SLC25A21: variants seen among roughly 807,000 people sequenced by gnomAD.
SLC25A21 encodes the protein mitochondrial 2-oxodicarboxylate carrier.
In SLC25A21, 47 loss-of-function variants were observed where a neutral mutation model predicts 43.8. The observed-to-expected ratio is 1.07, with a 90% CI of 0.85 to 1.37. The LOEUF is 1.37. Ranked by LOEUF, SLC25A21 falls within the 40% of genes most tolerant of loss-of-function variation. SLC25A21 has a pLI of 0.00. For missense variants in SLC25A21, 352 were observed against 350.2 expected (o/e 1.00, Z -0.04); for synonymous variants, 131 against 121.3 (o/e 1.08, Z -0.52).
chr14:36,847,404 T>C (rs1018095956), intron 2 of SLC25A21, among the ~76,000 whole-genome samples: 4 of 152,244 alleles, frequency 2.6e-5, no homozygotes, highest in African/African-American at 9.6e-5. Flanking sequence ...GTTCATTTTT[T>C]AGAAGCAACT....
chr14:36,777,837 AT>A (rs1410188423), intron 3 of SLC25A21, among the ~76,000 whole-genome samples: 1 of 152,166 alleles, frequency 6.6e-6, no homozygotes, highest in African/African-American at 2.4e-5. Context: ...TACATCCCCC[AT>A]TCCACAAGCC....
At chr14:37,105,318 A>T (rs1962890494) in intron 1 of SLC25A21, among the ~76,000 whole-genome samples, 1 of 152,226 alleles carries the variant, frequency 6.6e-6, no homozygotes, top group Non-Finnish European at 1.5e-5. Flanking sequence ...TAAAACAGAT[A>T]ATAAACAGTG....
intron 3 of SLC25A21, among the ~76,000 whole-genome samples, chr14:36,789,672 CTTG>C (rs1478043255): frequency 1.4e-5 from 2 of 140,024 alleles, no homozygotes; most frequent in Non-Finnish European, 3.0e-5. Context: ...AAAAACTCAT[CTTG>C]TTACTGTAAT....
intron 1 of SLC25A21, among the ~76,000 whole-genome samples, chr14:37,090,941 T>A (rs547441995): frequency 6.6e-6 from 1 of 152,332 alleles, no homozygotes; most frequent in Non-Finnish European, 1.5e-5. Context: ...AGTTCCTGTG[T>A]GTCTCTGGTG....
At chr14:36,908,365 G>T (rs1891590903) in intron 1 of SLC25A21, among the ~76,000 whole-genome samples, 1 of 152,146 alleles carries the variant, frequency 6.6e-6, no homozygotes, top group Non-Finnish European at 1.5e-5. Context: ...TCCCTAAAAA[G>T]TCATCTATTT....
intron 1 of SLC25A21, among the ~76,000 whole-genome samples, chr14:37,124,887 C>T (rs1468504166): frequency 6.6e-6 from 1 of 152,210 alleles, no homozygotes; most frequent in African/African-American, 2.4e-5. Context: ...CCTGCTCCTG[C>T]TTTGCCCTCT....
At chr14:37,132,614 C>T (rs1963409601) in intron 1 of SLC25A21, among the ~76,000 whole-genome samples, 1 of 152,190 alleles carries the variant, frequency 6.6e-6, no homozygotes, top group African/African-American at 2.4e-5. Flanking sequence ...ATTCTCTCTA[C>T]CACCCTGATG....
At chr14:36,799,628 G>GT (rs751555638) in intron 3 of SLC25A21, among the ~76,000 whole-genome samples, 21 of 152,096 alleles carry the variant, frequency 1.4e-4, no homozygotes, top group Non-Finnish European at 2.8e-4. Flanking sequence ...AAGAATTTAT[G>GT]TTTTTTTAAG....
chr14:36,723,794 T>G (rs1159695096), intron 6 of SLC25A21, among the ~76,000 whole-genome samples: 1 of 152,230 alleles, frequency 6.6e-6, no homozygotes, highest in African/African-American at 2.4e-5. Flanking sequence ...TGACTTTCAT[T>G]CCTGCAAGTG....
At chr14:36,940,159 T>C (rs1892521068) in intron 1 of SLC25A21, among the ~76,000 whole-genome samples, 1 of 152,146 alleles carries the variant, frequency 6.6e-6, no homozygotes. Flanking sequence ...TAACAACGAC[T>C]ACCAGCAGCC....
At chr14:37,014,812 T>C (rs556044327) in intron 1 of SLC25A21, among the ~76,000 whole-genome samples, 3 of 152,146 alleles carry the variant, frequency 2.0e-5, no homozygotes, top group Admixed American at 6.6e-5. Context: ...AATGTTGTGT[T>C]GGCAGGCATG....
intron 1 of SLC25A21, among the ~76,000 whole-genome samples, chr14:37,112,023 G>C (rs958923653): frequency 3.3e-5 from 5 of 152,162 alleles, no homozygotes; most frequent in Admixed American, 2.0e-4. Context: ...AGGTATAGCT[G>C]TGAACAAAAC....
In SLC25A21 at chr14:37,019,803, A is replaced by G. The variant is rs9806037; in HGVS notation, c.71-144799T>C. ...AGACAGGTAAGACCAGATGGTGAAG[A>G]ACTAAGGAGGCTTTGATCATCCTTG... On this transcript the variant is annotated intron_variant, in intron 1 of 9. Coordinates refer to ENST00000331299, the MANE Select transcript of SLC25A21 (RefSeq NM_030631.4). 0.47 allele frequency among the ~76,000 whole-genome samples: 71,215 copies of G among 151,568 alleles called. 19,778 individuals are homozygous for G. The highest frequency in any genetic ancestry group is 0.79 in the African/African-American group (32,701 of 41,370).
rs543570026 is a variant in SLC25A21 at position 36,871,659 on chromosome 14, G to A, written c.119+3297C>T. Among the ~76,000 whole-genome samples, 4 of 152,268 alleles carry A rather than the reference G, an allele frequency of 2.6e-5. No individual in the cohort carries two copies. The South Asian group carries it at 8.3e-4, about 32-fold the overall frequency. On this transcript the variant is annotated intron_variant, in intron 2 of 9. Transcript: ENST00000331299. ...CCATAAACTGTAAGAGATAATATAT[G>A]AAACCACTTAGCATTGGTGATTTTA...
intron 6 of SLC25A21, among the ~76,000 whole-genome samples, chr14:36,716,836 G>T (rs925421351): frequency 6.6e-6 from 1 of 152,208 alleles, no homozygotes; most frequent in African/African-American, 2.4e-5. Flanking sequence ...AGGCTTGGGT[G>T]TGTCAGTGGA....
chr14:37,117,100 CTT>C (rs1226050812), intron 1 of SLC25A21, among the ~76,000 whole-genome samples: 1 of 152,058 alleles, frequency 6.6e-6, no homozygotes, highest in East Asian at 1.9e-4. Flanking sequence ...TTTAATTACT[CTT>C]GATATTGACA....
chr14:37,072,972 G>C (rs577066562), intron 1 of SLC25A21, among the ~76,000 whole-genome samples: 1 of 152,216 alleles, frequency 6.6e-6, no homozygotes, highest in East Asian at 1.9e-4. Flanking sequence ...ATAGGTCCTG[G>C]GACAACGTGT....
At chr14:36,748,390 G>A (rs1369724332) in intron 3 of SLC25A21, among the ~76,000 whole-genome samples, 2 of 152,114 alleles carry the variant, frequency 1.3e-5, no homozygotes, top group African/African-American at 4.8e-5. Context: ...TTTTTAAAAA[G>A]TGCCCAAGTC....
intron 1 of SLC25A21, among the ~76,000 whole-genome samples, chr14:37,037,549 T>C (rs1961354527): frequency 6.6e-6 from 1 of 151,748 alleles, no homozygotes; most frequent in Non-Finnish European, 1.5e-5. Flanking sequence ...CTCTTTTTCA[T>C]GCTATTTATA....
Sources: allele counts gnomAD v4.1 joint callset (sites outside exome capture counted in the v4.1 genomes callset), GRCh38; gene constraint gnomAD v4.1.1; transcripts MANE v1.5; gene names NCBI Gene and HGNC (gene_info 2026-07-23, HGNC 2026-07-21).